STK10: variants seen among roughly 807,000 people sequenced by gnomAD.
STK10 encodes the protein serine/threonine kinase 10, also known as serine/threonine-protein kinase 10.
A neutral mutation model predicts 113.8 loss-of-function variants in STK10; 78 were observed. The observed-to-expected ratio is 0.69, with a 90% CI of 0.57 to 0.83. The LOEUF is 0.83. STK10 is among the 40% of genes least tolerant of loss of function. STK10 has a pLI of 0.00. For missense variants in STK10, 1,109 were observed against 1,280.1 expected, an observed-to-expected ratio of 0.87 and a Z score of 2.04; for synonymous variants, 465 against 494.7, an observed-to-expected ratio of 0.94 and a Z score of 0.80.
At chr5:172,049,363 A>G (rs1395321190) in intron 18 of STK10, among the ~76,000 whole-genome samples, 2 of 152,104 alleles carry the variant, frequency 1.3e-5, no homozygotes, top group African/African-American at 4.8e-5. Context: ...TCCGTGGGGG[A>G]GGCCTGAATA....
Position 172,071,233 on chromosome 5 carries a change from A to T in STK10, c.1990-6421T>A, listed in dbSNP as rs6555994. Among the ~76,000 whole-genome samples, 2 of 133,542 alleles carry T rather than the reference A, an allele frequency of 1.5e-5. 1 individual carries two copies. Among genetic ancestry groups the T allele is most frequent in the East Asian group, 4.6e-4 (2 of 4,350 alleles). The allele number at this position is 133,542 out of a possible 152,430, so 87.6% of individuals were successfully genotyped here. A position where few individuals can be genotyped will look rare whatever the true frequency, so the allele number is the denominator to read the frequency against. ...ATCTCAAAAAAAAAAAAAAAAAAAA[A>T]AAAAAAAAGAAATAGGTATTTCATT... On this transcript the variant is annotated intron_variant, in intron 12 of 18. Coordinates refer to ENST00000176763, the MANE Select transcript of STK10 (RefSeq NM_005990.4).
chr5:172,158,843 CAT>C (rs1278409696), intron 1 of STK10, among the ~76,000 whole-genome samples: 1 of 152,034 alleles, frequency 6.6e-6, no homozygotes, highest in Non-Finnish European at 1.5e-5. Flanking sequence ...TAGCTGAAAT[CAT>C]AGAAGTGGAA....
chr5:172,056,995 G>GAAAGAAAGAAAGAGAGAGAGAGAGAGAA (rs1157626941), intron 15 of STK10: 1 of 69,664 alleles, frequency 1.4e-5, no homozygotes, highest in African/African-American at 6.1e-5. Context: ...AAGAAAGAAA[G>GAAAGAAAGAAAGAGAGAGAGAGAGAGAA]AGAAAGAAGG....
Position 172,045,011 on chromosome 5 carries a change from CTCT to C in STK10, c.2775_2777del (p.Glu926del). The C allele has an allele frequency of 6.2e-7, 1 of 1,614,164 alleles. No homozygotes were observed. Among genetic ancestry groups the C allele is most frequent in the Non-Finnish European group, 8.5e-7 (1 of 1,180,042 alleles). On this transcript the variant is annotated inframe_deletion, in exon 19 of 19. Transcript: ENST00000176763. ...GCTCCCGCTTCTTCTGGTTCAGATC[CTCT>C]TCCAGAGCCTAGGGAAGAGAGAGGA...
chr5:172,045,000 T>G lies in STK10; in HGVS notation c.2789A>C (p.Gln930Pro). The G allele has an allele frequency of 6.2e-7, 1 of 1,614,212 alleles. No homozygotes were observed. The highest frequency in any genetic ancestry group is 2.2e-5 in the East Asian group (1 of 44,884). Residue 930 changes from glutamine (Q) to proline (P), a missense_variant, in exon 19 of 19, where the codon CAG becomes CCG. By Grantham distance (76) the Gln-to-Pro change is moderately conservative. Around this residue, in one of 5 missense-constraint regions of STK10, gnomAD observed 885 missense variants for 991.1 expected, o/e 0.89. Transcript: ENST00000176763. The surrounding 1 kb of genome is among the most constrained non-coding windows in gnomAD (Gnocchi z 4.5). The part of the protein sequence containing the change: ...RKKALEEDLN[Q>P]KKREQEMFFK... Reference sequence around the variant, plus strand: ...GAACATCTCCTGCTCCCGCTTCTTCTGGTTCAGATCCTCTTCCAGAGCCTA... The same window carrying G: ...GAACATCTCCTGCTCCCGCTTCTTCGGGTTCAGATCCTCTTCCAGAGCCTA...
intron 10 of STK10, among the ~76,000 whole-genome samples, chr5:172,089,260 T>C (rs1230847814): frequency 6.6e-6 from 1 of 152,234 alleles, no homozygotes. Flanking sequence ...TGTTACTTGT[T>C]TCATGGCATG....
intron 1 of STK10, among the ~76,000 whole-genome samples, chr5:172,185,320 G>A (rs781526298): frequency 3.9e-5 from 6 of 151,998 alleles, no homozygotes; most frequent in Non-Finnish European, 7.4e-5. Context: ...CCAGGCTGGA[G>A]TGCAGTGGCG....
At chr5:172,064,517 C>T (rs1056208363) in intron 13 of STK10, 26 of 606,710 alleles carry the variant, frequency 4.3e-5, no homozygotes, top group Non-Finnish European at 6.8e-5. Flanking sequence ...GATGGAAGAG[C>T]TTACTTCCAG....
intron 4 of STK10, among the ~76,000 whole-genome samples, chr5:172,109,649 T>C (rs1300458321): frequency 2.0e-5 from 3 of 152,116 alleles, no homozygotes; most frequent in African/African-American, 7.2e-5. Context: ...TCTCAGTCTT[T>C]CCTCACACAC....
At chr5:172,055,855 A>G in intron 15 of STK10, 79 bp from the exon 16 acceptor site, 1 of 1,281,830 alleles carries the variant, frequency 7.8e-7, no homozygotes, top group Non-Finnish European at 1.0e-6. Flanking sequence ...AGGTCCCCAC[A>G]CTCCACTCAG....
chr5:172,109,582 C>T (rs1166957896), intron 4 of STK10, among the ~76,000 whole-genome samples: 2 of 152,112 alleles, frequency 1.3e-5, no homozygotes, highest in East Asian at 3.8e-4. Context: ...GCTAGGATTA[C>T]AGGCGTGAGG....
chr5:172,093,521 T>C lies in STK10; in HGVS notation c.1445A>G (p.Lys482Arg), dbSNP rs1483956667. The change falls in exon 9 of 19, where the codon AAG (lysine) becomes AGG (arginine). Residue 482 changes from lysine (K) to arginine (R), a missense_variant. This residue lies in a region of STK10 where 885 missense variants were observed against 991.1 expected (regional missense o/e 0.89). Coordinates refer to ENST00000176763, the MANE Select transcript of STK10 (RefSeq NM_005990.4). The surrounding 1 kb of genome is among the most constrained non-coding windows in gnomAD (Gnocchi z 4.1). ...PPAQAAPGPS[K>R]RDSDCSSLCT... is the part of the protein sequence containing the mutation. ...GAGGCTGCTGCAGTCCGAGTCCCTCTTGGAAGGCCCTGGAGCTGCCTGGGC... is the reference window on the plus strand; with the variant it reads ...GAGGCTGCTGCAGTCCGAGTCCCTCCTGGAAGGCCCTGGAGCTGCCTGGGC... The C allele has an allele frequency of 2.5e-6, 4 of 1,614,236 alleles. No individual in the cohort carries two copies. Among genetic ancestry groups the C allele is most frequent in the Non-Finnish European group, 3.4e-6 (4 of 1,180,036 alleles).
At chr5:172,164,211 T>TAAAAA (rs57573746) in intron 1 of STK10, among the ~76,000 whole-genome samples, 16 of 84,624 alleles carry the variant, frequency 1.9e-4, no homozygotes, top group Admixed American at 4.2e-4. Flanking sequence ...AAACTCCATC[T>TAAAAA]AAAAAAAAAA....
intron 2 of STK10, among the ~76,000 whole-genome samples, chr5:172,154,601 A>C (rs995152477): frequency 1.3e-5 from 2 of 152,194 alleles, no homozygotes; most frequent in Admixed American, 6.5e-5. Context: ...GCTACAATAG[A>C]GGAGGGAAAG....
chr5:172,050,552 T>C (rs1010005849), intron 18 of STK10, among the ~76,000 whole-genome samples: 2 of 151,966 alleles, frequency 1.3e-5, no homozygotes, highest in African/African-American at 4.8e-5. Context: ...CAAATATGGG[T>C]ATTTAGCAAA....
intron 9 of STK10, 44 bp from the exon 10 acceptor site, chr5:172,090,406 A>C: frequency 6.2e-7 from 1 of 1,601,596 alleles, no homozygotes; most frequent in Non-Finnish European, 8.5e-7. Flanking sequence ...ATTTCAGCTA[A>C]GGACCCATGG....
At chr5:172,142,517 A>T (rs1244464340) in intron 2 of STK10, among the ~76,000 whole-genome samples, 1 of 152,124 alleles carries the variant, frequency 6.6e-6, no homozygotes, top group Non-Finnish European at 1.5e-5. Flanking sequence ...CCTATCTACG[A>T]CACCTAATGC....
chr5:172,093,776 G>C lies in STK10; in HGVS notation c.1190C>G (p.Ala397Gly). ...TGCCAGGCCGTTCTCATTTCCAGGG[G>C]CCACGACTGGGGGACTGGTGGTTTG... ...SLQTTSPPVV[A>G]PGNENGLAVP... Residue 397 changes from alanine (A) to glycine (G), a missense_variant, in exon 9 of 19, where the codon GCC (alanine) becomes GGC (glycine). Physicochemically the swap from Ala to Gly is moderately conservative, Grantham distance 60. This residue lies in a region of STK10 where 885 missense variants were observed against 991.1 expected (regional missense o/e 0.89). Transcript: ENST00000176763. The surrounding 1 kb of genome is among the most constrained non-coding windows in gnomAD (Gnocchi z 4.1). 2 of 1,610,162 alleles carry C rather than the reference G, an allele frequency of 1.2e-6. No individual in the cohort carries two copies. The highest frequency in any genetic ancestry group is 1.7e-6 in the Non-Finnish European group (2 of 1,176,832).
At position 172,101,322 on chromosome 5, in the gene STK10, T is replaced by C. The variant is rs544775481; in HGVS notation, c.870+4334A>G. ...CCCACCTCTACTAAAAACACAAAAA[T>C]TACCCAGGCGTGGTGGTGCATGCCT... On this transcript the variant is annotated intron_variant, in intron 7 of 18. Coordinates refer to ENST00000176763, the MANE Select transcript of STK10 (RefSeq NM_005990.4). Among the ~76,000 whole-genome samples, 8 of 151,834 alleles carry C rather than the reference T, an allele frequency of 5.3e-5. No individual in the cohort carries two copies. The South Asian group carries it at 6.2e-4, about 12-fold the overall frequency.
Sources: allele counts gnomAD v4.1 joint callset (sites outside exome capture counted in the v4.1 genomes callset), GRCh38; gene constraint gnomAD v4.1.1; regional missense constraint gnomAD v4.1.1; non-coding constraint Gnocchi (gnomAD v3.1); transcripts MANE v1.5; gene names NCBI Gene and HGNC (gene_info 2026-07-23, HGNC 2026-07-21).